The following FBXO31 variants were observed in gnomAD, a reference collection of about 807,000 sequenced individuals.
The protein encoded by FBXO31 is F-box only protein 31.
Under a neutral mutation model 54.4 loss-of-function variants are expected in FBXO31, and 24 were observed. That is an observed-to-expected ratio of 0.44 (90% CI 0.32 to 0.62). The LOEUF is 0.62. FBXO31 is among the 20% of genes least tolerant of loss of function. The probability of loss-of-function intolerance (pLI) is 0.05; values close to 1 mark genes in which losing one functional copy is unlikely to be tolerated. For synonymous variants in FBXO31, 388 were observed against 335.6 expected (o/e 1.16, Z -1.71); for missense variants, 665 against 787.1 (o/e 0.84, Z 1.86).
chr16:87,381,216 C>A (rs1011515299), intron 1 of FBXO31, among the ~76,000 whole-genome samples: 3 of 152,094 alleles, frequency 2.0e-5, no homozygotes, highest in African/African-American at 7.2e-5. Context: ...ATTACTAATA[C>A]TCAGTTCTCA....
chr16:87,379,747 C>G (rs1906991302), intron 1 of FBXO31, among the ~76,000 whole-genome samples: 1 of 151,848 alleles, frequency 6.6e-6, no homozygotes, highest in South Asian at 2.1e-4. Flanking sequence ...ACCACCACAC[C>G]CAGCTAATTT....
At chr16:87,341,111 C>T (rs1182642533) in intron 5 of FBXO31, among the ~76,000 whole-genome samples, 3 of 152,138 alleles carry the variant, frequency 2.0e-5, no homozygotes, top group Non-Finnish European at 4.4e-5. Context: ...TCCAGCAATA[C>T]CTTCCCTCTC....
intron 2 of FBXO31, among the ~76,000 whole-genome samples, chr16:87,349,212 A>G (rs1456940886): frequency 6.6e-6 from 1 of 152,264 alleles, no homozygotes; most frequent in Non-Finnish European, 1.5e-5. Flanking sequence ...AAGAGGTGAG[A>G]GCAGCCAGTG....
At chr16:87,343,492 C>G in intron 4 of FBXO31, 106 bp downstream of exon 4, 1 of 1,382,920 alleles carries the variant, frequency 7.2e-7, no homozygotes, top group Non-Finnish European at 9.8e-7. Flanking sequence ...ACCCGCCGAT[C>G]TGCTACAGCC....
At chr16:87,351,871 C>A (rs1438898377) in intron 2 of FBXO31, among the ~76,000 whole-genome samples, 1 of 152,070 alleles carries the variant, frequency 6.6e-6, no homozygotes, top group Admixed American at 6.6e-5. Context: ...TCTGTCTCAA[C>A]AACAACAAAA....
chr16:87,390,962 T>C (rs960315034), upstream of FBXO31, among the ~76,000 whole-genome samples: 1 of 152,220 alleles, frequency 6.6e-6, no homozygotes, highest in Non-Finnish European at 1.5e-5. Context: ...CCAATTACTT[T>C]ATCCAATTGG....
intron 8 of FBXO31, among the ~76,000 whole-genome samples, chr16:87,332,548 C>T (rs939990956): frequency 5.9e-5 from 9 of 152,230 alleles, no homozygotes; most frequent in African/African-American, 2.2e-4. Flanking sequence ...CACTCCAACA[C>T]TATTTGTATG....
chr16:87,331,456 G>A lies in FBXO31; in HGVS notation c.1452C>T (p.Thr484=), dbSNP rs1264463121. 3.1e-6 allele frequency: 5 copies of A among 1,613,444 alleles called. No individual in the cohort carries two copies. In the African/African-American group the frequency reaches 5.3e-5, roughly 17 times the overall value. Residue 484 remains threonine, a synonymous_variant, in exon 9 of 9, where the codon ACC becomes ACT. Transcript: ENST00000311635. The part of the protein sequence containing the change: ...AGHGFTSPER[T]PGVFILFDED... ...CATCGAAGAGGATGAAGACCCCGGG[G>A]GTGCGTTCAGGGCTGGTGAAGCCGT...
rs1293929709 is a variant in FBXO31, at chr16:87,345,921, A to C, written c.489+1253T>G. ...ACCGCCGCCAAACGCCAAAGATGGC[A>C]ACCAGAGAACACAGCCCCATGCTGC... On this transcript the variant is annotated intron_variant, in intron 3 of 8. Transcript: ENST00000311635. This position sits in a 1 kb window ranked among gnomAD's most constrained non-coding sequence, Gnocchi z 4.9. 6.6e-6 allele frequency among the ~76,000 whole-genome samples: 1 copy of C among 152,230 alleles called. No individual in the cohort carries two copies. Among genetic ancestry groups the C allele is most frequent in the African/African-American group, 2.4e-5 (1 of 41,466 alleles).
intron 2 of FBXO31, among the ~76,000 whole-genome samples, chr16:87,354,198 C>T (rs558690751): frequency 2.6e-4 from 39 of 152,320 alleles, no homozygotes; most frequent in Middle Eastern, 3.4e-3. Context: ...ATTGTCCAGG[C>T]GCGGTGGCTC....
chr16:87,388,365 A>G (rs1376513235), upstream of FBXO31, among the ~76,000 whole-genome samples: 6 of 152,322 alleles, frequency 3.9e-5, no homozygotes, highest in Non-Finnish European at 5.9e-5. Context: ...CTTTCTGAGA[A>G]TAGCTCCCTG....
intron 1 of FBXO31, among the ~76,000 whole-genome samples, chr16:87,360,593 T>A (rs1266610716): frequency 6.6e-6 from 1 of 152,218 alleles, no homozygotes; most frequent in Non-Finnish European, 1.5e-5. Context: ...CTTTACAAAA[T>A]AATAATCTGC....
chr16:87,375,037 G>A (rs1383208246), intron 1 of FBXO31, among the ~76,000 whole-genome samples: 3 of 152,292 alleles, frequency 2.0e-5, no homozygotes, highest in Middle Eastern at 3.4e-3. Context: ...ACAAAAGTTA[G>A]GCCAGGTGCG....
chr16:87,376,923 C>G (rs16942916), intron 1 of FBXO31, among the ~76,000 whole-genome samples: 1 of 152,158 alleles, frequency 6.6e-6, no homozygotes, highest in African/African-American at 2.4e-5. Context: ...ATCTCATATA[C>G]GACTATTCCT....
At chr16:87,374,355 T>A (rs1470714798) in intron 1 of FBXO31, among the ~76,000 whole-genome samples, 2 of 151,898 alleles carry the variant, frequency 1.3e-5, no homozygotes, top group Non-Finnish European at 2.9e-5. Flanking sequence ...TTAAATGAAC[T>A]CAGAAAACTT....
At chr16:87,362,721 G>A (rs1046851290) in intron 1 of FBXO31, 1 of 152,114 alleles carries the variant, frequency 6.6e-6, no homozygotes, top group African/African-American at 2.4e-5. Flanking sequence ...ACACCATGCT[G>A]GGCCAATTTT....
intron 1 of FBXO31, among the ~76,000 whole-genome samples, chr16:87,360,836 G>A (rs563412423): frequency 6.6e-6 from 1 of 152,152 alleles, no homozygotes; most frequent in Admixed American, 6.5e-5. Context: ...AGAGGGGACC[G>A]TGCAAGACAT....
intron 2 of FBXO31, among the ~76,000 whole-genome samples, chr16:87,349,281 C>T (rs1905533087): frequency 6.6e-6 from 1 of 152,258 alleles, no homozygotes; most frequent in East Asian, 1.9e-4. Context: ...CTACAGCAAT[C>T]AAAACAAGAA....
chr16:87,379,465 T>C (rs758531488), intron 1 of FBXO31, among the ~76,000 whole-genome samples: 11 of 152,206 alleles, frequency 7.2e-5, no homozygotes, highest in Non-Finnish European at 1.2e-4. Context: ...CCTCAGCACA[T>C]GATGTTCCCT....
Sources: gnomAD v4.1 joint callset for allele counts (sites outside exome capture counted in the v4.1 genomes callset) on GRCh38, gnomAD v4.1.1 for gene constraint, Gnocchi (gnomAD v3.1) non-coding constraint, MANE v1.5 for transcripts, NCBI Gene and HGNC (gene_info 2026-07-23, HGNC 2026-07-21) for gene names.